The following PCGF1 variants were observed in gnomAD, a reference collection of about 807,000 sequenced individuals.
The protein encoded by PCGF1 is polycomb group RING finger protein 1.
PCGF1 carries 10 observed loss-of-function variants against 38.8 expected under a neutral mutation model. The observed-to-expected ratio is 0.26, with a 90% confidence interval of 0.16 to 0.44. The LOEUF (loss-of-function observed/expected upper bound fraction) is 0.44, where lower values mean the gene tolerates loss of function less well. Ranked by LOEUF, PCGF1 falls within the 20% of genes least tolerant of loss-of-function variation. The pLI is 1.00. For missense variants in PCGF1, 230 were observed against 331.5 expected, an observed-to-expected ratio of 0.69 and a Z score of 2.38; for synonymous variants, 119 against 121.3, an observed-to-expected ratio of 0.98 and a Z score of 0.12.
In PCGF1 at chr2:74,506,180, C is replaced by A; in HGVS notation, c.424+1G>T. ...TTACTGTCCCGCGGCCAAGGACATA[C>A]CTTCCCCAGTGGGCTGGGTGACCCG... On this transcript the variant is annotated splice_donor_variant, in intron 4 of 8. Transcript: ENST00000233630. LOFTEE classifies it high-confidence loss of function. The A allele has an allele frequency of 6.2e-7, 1 of 1,614,186 alleles. No individual in the cohort carries two copies. Among genetic ancestry groups the A allele is most frequent in the Non-Finnish European group, 8.5e-7 (1 of 1,180,022 alleles).
chr2:74,505,561 G>A lies in PCGF1; in HGVS notation c.642C>T (p.Asn214=), dbSNP rs1239901563. 3 of 1,614,020 alleles carry A rather than the reference G, an allele frequency of 1.9e-6. No individual in the cohort carries two copies. Among genetic ancestry groups the A allele is most frequent in the East Asian group, 2.2e-5 (1 of 44,884 alleles). Residue 214 remains asparagine, a synonymous_variant, in exon 7 of 9, where the codon AAC becomes AAT. Transcript: ENST00000233630. ...RRVLCHRLML[N]PQHVQLLFDN... is the part of the protein sequence containing the mutation. ...CTGTGGGACTACTCACATGCTGAGG[G>A]TTTAGCATCAAGCGGTGACACAGGA...
intron 5 of PCGF1, 62 bp from the exon 6 acceptor site, chr2:74,505,832 C>T: frequency 6.2e-7 from 1 of 1,609,358 alleles, no homozygotes; most frequent in East Asian, 2.2e-5. Flanking sequence ...CACCCAGAGC[C>T]ATGATATACT....
In PCGF1 at chr2:74,506,316, G is replaced by T. The variant is rs540907249; in HGVS notation, c.353-64C>A. On this transcript the variant is annotated intron_variant, in intron 3 of 8. Coordinates refer to ENST00000233630, the MANE Select transcript of PCGF1 (RefSeq NM_032673.3). ...TTCGGGGCCGGGCGCGGTGGCTCACGCCTGTAATCCCAGCACTTTGGGAGG... is the reference window on the plus strand; with the variant it reads ...TTCGGGGCCGGGCGCGGTGGCTCACTCCTGTAATCCCAGCACTTTGGGAGG... The T allele has an allele frequency of 1.7e-4, 248 of 1,477,522 alleles. 1 individual carries two copies. The highest frequency in any genetic ancestry group is 2.3e-4 in the Non-Finnish European group (240 of 1,060,974). 91.5% of individuals were successfully genotyped at this position (1,477,522 alleles called of 1,614,324 possible).
intron 5 of PCGF1, 82 bp downstream of exon 5, chr2:74,505,870 C>G: frequency 2.5e-6 from 4 of 1,601,196 alleles, no homozygotes; most frequent in Non-Finnish European, 3.4e-6. Flanking sequence ...CACTCACTCA[C>G]TGCTCAGCCT....
chr2:74,507,510 C>G, intron 1 of PCGF1, 66 bp downstream of exon 1: 2 of 1,537,512 alleles, frequency 1.3e-6, no homozygotes, highest in Non-Finnish European at 1.8e-6. Context: ...AGCCACCGCC[C>G]GTCCTTTAGC....
intron 5 of PCGF1, 35 bp from the exon 6 acceptor site, chr2:74,505,805 T>G (rs145551425): frequency 1.9e-6 from 3 of 1,613,230 alleles, no homozygotes; most frequent in South Asian, 2.2e-5. Flanking sequence ...GGGAATCCTA[T>G]CTTTCCTCCT....
At position 74,505,938 on chromosome 2, in the gene PCGF1, G is replaced by A; in HGVS notation, c.530+14C>T. ...GGCACTGTCACCTCCTGCAACCCCT[G>A]ACCTTCTCCTCACCTCAGCCGCTCC... is the stretch of plus-strand genomic sequence containing the variant. On this transcript the variant is annotated intron_variant, in intron 5 of 8. Transcript: ENST00000233630. 6.2e-7 allele frequency: 1 copy of A among 1,613,238 alleles called. No homozygotes were observed. The highest frequency in any genetic ancestry group is 1.1e-5 in the South Asian group (1 of 91,020).
intron 1 of PCGF1, 193 bp downstream of exon 1, chr2:74,507,383 T>G: frequency 6.9e-7 from 1 of 1,453,648 alleles, no homozygotes; most frequent in Non-Finnish European, 9.0e-7. Flanking sequence ...CAGGGGAGAC[T>G]ACACAACGTC....
At chr2:74,506,379 C>G (rs1300138513) in intron 3 of PCGF1, 127 bp from the exon 4 acceptor site, 4 of 858,160 alleles carry the variant, frequency 4.7e-6, no homozygotes, top group Non-Finnish European at 7.5e-6. Flanking sequence ...AGATTGAGGC[C>G]ATCCTGGCTA....
Position 74,505,727 on chromosome 2 carries a change from C to T in PCGF1, c.564+10G>A, listed in dbSNP as rs775522434. The T allele has an allele frequency of 6.2e-7, 1 of 1,614,194 alleles. No individual in the cohort carries two copies. Among genetic ancestry groups the T allele is most frequent in the East Asian group, 2.2e-5 (1 of 44,890 alleles). On this transcript the variant is annotated intron_variant, in intron 6 of 8. Coordinates refer to ENST00000233630, the MANE Select transcript of PCGF1 (RefSeq NM_032673.3). ...CTCCTTAGAGAGGCCCTCCCCTCAG[C>T]CCTTCTCACCTGCAGGACGCTTTTA...
chr2:74,507,123 C>G lies in PCGF1; in HGVS notation c.118G>C (p.Asp40His), dbSNP rs1190719581. 10 of 1,614,230 alleles carry G rather than the reference C, an allele frequency of 6.2e-6. No individual in the cohort carries two copies. Among genetic ancestry groups the G allele is most frequent in the Non-Finnish European group, 8.5e-6 (10 of 1,180,026 alleles). Reference protein sequence around the residue: ...NEEEVRVKIKDLNEHIVCCLC... With the variant: ...NEEEVRVKIKHLNEHIVCCLC... Reference sequence around the variant, plus strand: ...CAGCAAACAATGTGTTCATTCAAGTCTTTGATCTTCACTCGAACCTCCTCC... The same window carrying G: ...CAGCAAACAATGTGTTCATTCAAGTGTTTGATCTTCACTCGAACCTCCTCC... Residue 40 changes from aspartate to histidine, a missense_variant, in exon 2 of 9, where the codon GAC (aspartate) becomes CAC (histidine). Asp to His is a moderately conservative substitution (Grantham distance 81). Around this residue, in one of 3 missense-constraint regions of PCGF1, gnomAD observed 40 missense variants for 113.2 expected, o/e 0.35. Transcript: ENST00000233630.
At chr2:74,505,282 G>A (rs555160404) in intron 8 of PCGF1, 57 bp downstream of exon 8, 1 of 1,580,270 alleles carries the variant, frequency 6.3e-7, no homozygotes, top group African/African-American at 1.3e-5. Context: ...GAGGACTGTA[G>A]GATGGTTGGG....
chr2:74,505,866 C>T, intron 5 of PCGF1, 86 bp downstream of exon 5: 5 of 1,601,992 alleles, frequency 3.1e-6, no homozygotes, highest in Non-Finnish European at 4.3e-6. Flanking sequence ...TAGGCACTCA[C>T]TCACTGCTCA....
At chr2:74,505,920 T>C (rs768702845) in intron 5 of PCGF1, 32 bp downstream of exon 5, 1 of 1,610,974 alleles carries the variant, frequency 6.2e-7, no homozygotes. Context: ...ATTGGCACTG[T>C]CACCTCCTGC....
chr2:74,507,554 A>T, intron 1 of PCGF1, 22 bp downstream of exon 1: 1 of 1,569,930 alleles, frequency 6.4e-7, no homozygotes, highest in Non-Finnish European at 8.6e-7. Flanking sequence ...CGACCACAGC[A>T]GTAACCCTGC....
intron 1 of PCGF1, 134 bp downstream of exon 1, chr2:74,507,442 C>T: frequency 6.8e-7 from 1 of 1,471,052 alleles, no homozygotes; most frequent in South Asian, 1.4e-5. Flanking sequence ...AACCCGATCG[C>T]AACCACGCAG....
Position 74,507,612 on chromosome 2 carries a change from G to A in PCGF1, c.57C>T (p.Leu19=). The change falls in exon 1 of 9, where the codon CTC becomes CTT. Residue 19 remains leucine (L), a synonymous_variant. Coordinates refer to ENST00000233630, the MANE Select transcript of PCGF1 (RefSeq NM_032673.3). The part of the protein sequence containing the change: ...IAIAMRLRNQ[L]QSVYKMDPLR... Reference sequence around the variant, plus strand: ...GCGGGTCCATCTTGTACACTGACTGGAGCTGGTTCCGAAGCCTCATCGCGA... The same window carrying A: ...GCGGGTCCATCTTGTACACTGACTGAAGCTGGTTCCGAAGCCTCATCGCGA... The A allele has an allele frequency of 1.9e-6, 3 of 1,588,162 alleles. No individual in the cohort carries two copies. Among genetic ancestry groups the A allele is most frequent in the Non-Finnish European group, 1.7e-6 (2 of 1,167,640 alleles).
At position 74,506,408 on chromosome 2, in the gene PCGF1, T is replaced by C. The variant is rs570129431; in HGVS notation, c.353-156A>G. The C allele has an allele frequency of 5.8e-6, 4 of 694,822 alleles. No homozygotes were observed. The East Asian group carries it at 1.1e-4, about 19-fold the overall frequency. The allele number at this position is 694,822 out of a possible 1,614,324, so 43.0% of individuals were successfully genotyped here. On this transcript the variant is annotated intron_variant, in intron 3 of 8. Transcript: ENST00000233630. Reference sequence around the variant, plus strand: ...CTGGCTAACATGGTGAAACCCCGTCTCTACTAAAAAATATAAAAAATTAGC... The same window carrying C: ...CTGGCTAACATGGTGAAACCCCGTCCCTACTAAAAAATATAAAAAATTAGC...
chr2:74,507,608 A>C lies in PCGF1; in HGVS notation c.61T>G (p.Ser21Ala). 1 of 1,588,864 alleles carries C rather than the reference A, an allele frequency of 6.3e-7. No individual in the cohort carries two copies. The highest frequency in any genetic ancestry group is 8.6e-7 in the Non-Finnish European group (1 of 1,167,982). ...CGTAGCGGGTCCATCTTGTACACTG[A>C]CTGGAGCTGGTTCCGAAGCCTCATC... ...IAMRLRNQLQ[S>A]VYKMDPLRNE... Residue 21 changes from serine (S) to alanine (A), a missense_variant, in exon 1 of 9, where the codon TCA (serine) becomes GCA (alanine). Physicochemically the swap from Ser to Ala is moderately conservative, Grantham distance 99. Transcript: ENST00000233630.
Sources: allele counts gnomAD v4.1 joint callset, GRCh38; gene constraint gnomAD v4.1.1; regional missense constraint gnomAD v4.1.1; transcripts MANE v1.5; gene names NCBI Gene and HGNC (gene_info 2026-07-23, HGNC 2026-07-21).